Variants in TASP1 observed in about 807,000 individuals in gnomAD.
TASP1 encodes the protein taspase 1.
A neutral mutation model predicts 56.6 loss-of-function variants in TASP1; 16 were observed. That is an observed-to-expected ratio of 0.28 (90% CI 0.19 to 0.43). TASP1 has a LOEUF of 0.43. Ranked by LOEUF, TASP1 falls within the 20% of genes least tolerant of loss-of-function variation. The pLI is 1.00. For synonymous variants in TASP1, 179 were observed against 184.2 expected (o/e 0.97, Z 0.23); for missense variants, 393 against 511.6 (o/e 0.77, Z 2.24).
At chr20:13,197,611 T>C in the TASP1 span, among the ~76,000 whole-genome samples, 5 of 152,228 alleles carry the variant, frequency 3.3e-5, no homozygotes, top group Non-Finnish European at 1.5e-5. Flanking sequence ...TTGTCCAGAC[T>C]GAATCAAAAC....
chr20:13,326,884 T>A, the TASP1 span, among the ~76,000 whole-genome samples: 1 of 152,182 alleles, frequency 6.6e-6, no homozygotes, highest in Non-Finnish European at 1.5e-5. Context: ...CTGGAAGCAT[T>A]TCCCTTGAAA....
chr20:13,324,104 C>T, the TASP1 span, among the ~76,000 whole-genome samples: 6 of 152,198 alleles, frequency 3.9e-5, no homozygotes. Context: ...TAAAAACATA[C>T]TGTAACTTTC....
chr20:13,276,859 TGAAACCTCAG>T, the TASP1 span, among the ~76,000 whole-genome samples: 6 of 152,248 alleles, frequency 3.9e-5, no homozygotes, highest in Non-Finnish European at 7.3e-5. Flanking sequence ...TGGATGCCTA[TGAAACCTCAG>T]GCTCAAGATT....
At chr20:13,398,636 A>G (rs2123632595) in intron 13 of TASP1, among the ~76,000 whole-genome samples, 1 of 152,228 alleles carries the variant, frequency 6.6e-6, no homozygotes, top group East Asian at 1.9e-4. Flanking sequence ...CCAAAACGTA[A>G]CCTCACTTTC....
the TASP1 span, among the ~76,000 whole-genome samples, chr20:13,355,034 G>T: frequency 3.3e-5 from 5 of 152,098 alleles, no homozygotes; most frequent in African/African-American, 1.2e-4. Context: ...TTTAGCTCAA[G>T]ATTGTGATGT....
At chr20:13,401,676 C>G (rs1338193367) in intron 13 of TASP1, among the ~76,000 whole-genome samples, 1 of 152,060 alleles carries the variant, frequency 6.6e-6, no homozygotes, top group African/African-American at 2.4e-5. Context: ...ACTGAAAAAA[C>G]AAGAGAAAAT....
intron 11 of TASP1, among the ~76,000 whole-genome samples, chr20:13,440,466 AG>A (rs2043174928): frequency 6.6e-6 from 1 of 152,170 alleles, no homozygotes; most frequent in African/African-American, 2.4e-5. Context: ...GGTAATTCTA[AG>A]GGGAGGGAAA....
intron 10 of TASP1, among the ~76,000 whole-genome samples, chr20:13,487,101 C>T (rs1401236503): frequency 6.6e-6 from 1 of 152,190 alleles, no homozygotes; most frequent in Non-Finnish European, 1.5e-5. Context: ...TACAAAACAA[C>T]TATTAGAGGT....
At chr20:13,393,050 C>G in intron 13 of TASP1, 1 of 591,254 alleles carries the variant, frequency 1.7e-6, no homozygotes, top group Non-Finnish European at 3.1e-6. Context: ...GCTGCCTCTG[C>G]TGAGGCCCCC....
the TASP1 span, among the ~76,000 whole-genome samples, chr20:13,266,529 A>G: frequency 2.0e-5 from 3 of 152,202 alleles, no homozygotes; most frequent in African/African-American, 4.8e-5. Context: ...AGCATTGTCA[A>G]TGTTAACTCA....
At chr20:13,558,901 G>A (rs2046251003) in intron 8 of TASP1, 107 bp downstream of exon 8, 2 of 591,908 alleles carry the variant, frequency 3.4e-6, no homozygotes, top group Non-Finnish European at 2.7e-6. Flanking sequence ...GTACATATGT[G>A]ACACACATTC....
chr20:13,322,598 C>T, the TASP1 span, among the ~76,000 whole-genome samples: 1 of 152,124 alleles, frequency 6.6e-6, no homozygotes, highest in Non-Finnish European at 1.5e-5. Flanking sequence ...TCTCAGGATC[C>T]CTTTTCCTGC....
At chr20:13,489,977 T>C (rs927032784) in intron 10 of TASP1, among the ~76,000 whole-genome samples, 1 of 152,198 alleles carries the variant, frequency 6.6e-6, no homozygotes, top group Non-Finnish European at 1.5e-5. Flanking sequence ...ACGTGGCTCT[T>C]TGCTGGTGAT....
the TASP1 span, chr20:13,166,365 A>G: frequency 1.3e-5 from 2 of 152,506 alleles, no homozygotes; most frequent in South Asian, 4.1e-4. Context: ...GAAAGTTTTT[A>G]TGGGGAAATT....
At chr20:13,576,736 G>A (rs919202416) in intron 6 of TASP1, among the ~76,000 whole-genome samples, 2 of 152,152 alleles carry the variant, frequency 1.3e-5, no homozygotes, top group African/African-American at 4.8e-5. Context: ...ATATGAAAAT[G>A]TTAAATACCT....
At chr20:13,432,114 T>C (rs1234987710) in intron 12 of TASP1, among the ~76,000 whole-genome samples, 1 of 152,186 alleles carries the variant, frequency 6.6e-6, no homozygotes. Context: ...GTTGAAGTGG[T>C]GAGGAATGTT....
chr20:13,326,910 G>A, the TASP1 span, among the ~76,000 whole-genome samples: 1 of 152,182 alleles, frequency 6.6e-6, no homozygotes, highest in Non-Finnish European at 1.5e-5. Flanking sequence ...CACAAGACAA[G>A]GATGCCCTCT....
chr20:13,594,724 T>A (rs969359964), intron 4 of TASP1, among the ~76,000 whole-genome samples: 2 of 152,288 alleles, frequency 1.3e-5, no homozygotes, highest in Non-Finnish European at 2.9e-5. Flanking sequence ...TATGGGACTA[T>A]GTGAAAAGAC....
chr20:13,290,573 C>T, the TASP1 span, among the ~76,000 whole-genome samples: 7 of 152,006 alleles, frequency 4.6e-5, no homozygotes, highest in Admixed American at 6.6e-5. Flanking sequence ...GGCAGGAACC[C>T]GGGAGGCGGA....
Sources: allele counts gnomAD v4.1 joint callset (sites outside exome capture counted in the v4.1 genomes callset), GRCh38; gene constraint gnomAD v4.1.1; transcripts MANE v1.5; gene names NCBI Gene and HGNC (gene_info 2026-07-23, HGNC 2026-07-21).